CDC42SE2: variants seen among roughly 807,000 people sequenced by gnomAD.
CDC42SE2 encodes the protein CDC42 small effector 2.
Under a neutral mutation model 11.5 loss-of-function variants are expected in CDC42SE2, and 3 were observed. That is an observed-to-expected ratio of 0.26 (90% CI 0.12 to 0.67). The LOEUF is 0.67. CDC42SE2 is among the 30% of genes least tolerant of loss of function. CDC42SE2 has a pLI of 0.80. For synonymous variants in CDC42SE2, 33 were observed against 34.8 expected, an observed-to-expected ratio of 0.95 and a Z score of 0.18; for missense variants, 82 against 106.8, an observed-to-expected ratio of 0.77 and a Z score of 1.02.
rs140036639 is a variant in CDC42SE2, at chr5:131,266,646, C to T, written c.-455+2480C>T. On this transcript the variant is annotated intron_variant, in intron 1 of 4. Coordinates refer to ENST00000505065, the MANE Select transcript of CDC42SE2 (RefSeq NM_001375635.1). ...TATTTTTTGTATTTTCAAAAAGAGACGGGGTTTCTCTGTGTTGGCCAGGCT... is the reference window on the plus strand; with the variant it reads ...TATTTTTTGTATTTTCAAAAAGAGATGGGGTTTCTCTGTGTTGGCCAGGCT... Among the ~76,000 whole-genome samples the T allele has an allele frequency of 1.8e-4, 28 of 151,752 alleles. No homozygotes were observed. The East Asian group carries it at 3.3e-3, about 18-fold the overall frequency.
upstream of CDC42SE2, among the ~76,000 whole-genome samples, chr5:131,262,302 A>T (rs1412798307): frequency 1.3e-5 from 2 of 152,170 alleles, no homozygotes; most frequent in Non-Finnish European, 2.9e-5. Context: ...TTAAAAGTCA[A>T]GTAAATGGTC....
At chr5:131,268,147 C>G (rs534919556) in intron 1 of CDC42SE2, among the ~76,000 whole-genome samples, 1 of 141,888 alleles carries the variant, frequency 7.0e-6, no homozygotes, top group East Asian at 2.2e-4. Flanking sequence ...ACTGCAACCT[C>G]TGTCTCCTGG....
At chr5:131,264,696 C>G (rs912037552) in intron 1 of CDC42SE2, among the ~76,000 whole-genome samples, 20 of 152,372 alleles carry the variant, frequency 1.3e-4, no homozygotes, top group African/African-American at 4.8e-4. Flanking sequence ...CTTGAAAGCC[C>G]TTGGCTACCT....
At chr5:131,218,828 G>A in the CDC42SE2 span, among the ~76,000 whole-genome samples, 13 of 152,160 alleles carry the variant, frequency 8.5e-5, no homozygotes, top group Non-Finnish European at 1.8e-4. Flanking sequence ...TTTCATCTGG[G>A]TGCTGGTTAG....
chr5:131,320,263 A>G (rs1315635265), intron 2 of CDC42SE2, among the ~76,000 whole-genome samples: 5 of 150,910 alleles, frequency 3.3e-5, no homozygotes, highest in Non-Finnish European at 7.4e-5. Flanking sequence ...GTGGTGGTGC[A>G]TGCCTGTAAT....
chr5:131,274,989 A>G (rs1757072299), intron 1 of CDC42SE2, among the ~76,000 whole-genome samples: 2 of 152,226 alleles, frequency 1.3e-5, no homozygotes, highest in African/African-American at 2.4e-5. Context: ...ACCTAAAACC[A>G]TGTAGTCCTG....
rs141235204 is a variant in CDC42SE2 at position 131,377,038 on chromosome 5, T to C, written c.55-8505T>C. On this transcript the variant is annotated intron_variant, in intron 3 of 4. Coordinates refer to ENST00000505065, the MANE Select transcript of CDC42SE2 (RefSeq NM_001375635.1). Reference sequence around the variant, plus strand: ...GGGGTCCTGGGTCAAATGATACTTCTGTTTTTCACTTCTTTGAGAAATTGC... The same window carrying C: ...GGGGTCCTGGGTCAAATGATACTTCCGTTTTTCACTTCTTTGAGAAATTGC... Among the ~76,000 whole-genome samples, 34 of 152,324 alleles carry C rather than the reference T, an allele frequency of 2.2e-4. No homozygotes were observed. The East Asian group carries it at 5.8e-3, about 26-fold the overall frequency.
At chr5:131,365,880 GC>G (rs1749840838) in intron 3 of CDC42SE2, among the ~76,000 whole-genome samples, 1 of 152,194 alleles carries the variant, frequency 6.6e-6, no homozygotes, top group Non-Finnish European at 1.5e-5. Context: ...TACTCGGGAG[GC>G]TGAGGCAGGA....
At chr5:131,313,740 G>A (rs930940791) in intron 1 of CDC42SE2, among the ~76,000 whole-genome samples, 1 of 152,188 alleles carries the variant, frequency 6.6e-6, no homozygotes, top group Non-Finnish European at 1.5e-5. Context: ...AATTCTGGTT[G>A]TATAAGGCTT....
chr5:131,266,399 A>G (rs1036500720), intron 1 of CDC42SE2, among the ~76,000 whole-genome samples: 9 of 150,890 alleles, frequency 6.0e-5, no homozygotes, highest in Non-Finnish European at 1.3e-4. Context: ...GTTAAAGATA[A>G]TGTTTACATT....
chr5:131,391,062 A>C lies in CDC42SE2; in HGVS notation c.226A>C (p.Met76Leu), dbSNP rs774617695. The C allele has an allele frequency of 1.1e-5, 18 of 1,612,980 alleles. No individual in the cohort carries two copies. In the Admixed American group the frequency reaches 1.2e-4, roughly 10 times the overall value. ...AGGTGGAATGCCTGCCAATGTCCAG[A>C]TGCAGCTCGTGGATACGAAGGCGGG... is the stretch of plus-strand genomic sequence containing the variant. ...YGGGMPANVQ[M>L]QLVDTKAG Residue 76 changes from methionine to leucine, a missense_variant, in exon 5 of 5, where the codon ATG becomes CTG. By Grantham distance (15) the Met-to-Leu change is conservative (BLOSUM62 2). Transcript: ENST00000505065.
intron 1 of CDC42SE2, among the ~76,000 whole-genome samples, chr5:131,301,536 G>C (rs1757682988): frequency 6.6e-6 from 1 of 152,086 alleles, no homozygotes; most frequent in African/African-American, 2.4e-5. Context: ...GAGGCAGGCA[G>C]ATCACGAGGT....
At position 131,391,258 on chromosome 5, in the gene CDC42SE2, T is replaced by TGTAA. The variant is rs772051109; in HGVS notation, c.*170_*173dup. The TGTAA allele has an allele frequency of 1.2e-4, 34 of 282,506 alleles. No individual in the cohort carries two copies. The highest frequency in any genetic ancestry group is 2.0e-4 in the African/African-American group (9 of 45,000). 17.5% of individuals were successfully genotyped at this position (282,506 alleles called of 1,614,324 possible). A position where few individuals can be genotyped will look rare whatever the true frequency, so the allele number is the denominator to read the frequency against. The stretch of plus-strand genomic sequence containing the variant: ...CTAAGTGTAGTTTCTGCACTTGGAA[T>TGTAA]GTAAGTTTTAGGTTCTTTTCCTTAT... On this transcript the variant is annotated 3_prime_UTR_variant, in exon 5 of 5. Coordinates refer to ENST00000505065, the MANE Select transcript of CDC42SE2 (RefSeq NM_001375635.1).
chr5:131,231,297 G>C, the CDC42SE2 span, among the ~76,000 whole-genome samples: 2 of 151,884 alleles, frequency 1.3e-5, no homozygotes, highest in South Asian at 2.1e-4. Flanking sequence ...TTTTGAATCT[G>C]TTTCTGGAAT....
At chr5:131,371,326 T>G (rs1474702322) in intron 3 of CDC42SE2, among the ~76,000 whole-genome samples, 2 of 152,182 alleles carry the variant, frequency 1.3e-5, no homozygotes, top group Non-Finnish European at 2.9e-5. Flanking sequence ...CTAGGTCAGT[T>G]CTCAGTTCTC....
At chr5:131,310,234 A>C (rs1757874320) in intron 1 of CDC42SE2, among the ~76,000 whole-genome samples, 1 of 151,820 alleles carries the variant, frequency 6.6e-6, no homozygotes, top group Non-Finnish European at 1.5e-5. Context: ...CAGGTTGTTC[A>C]GTTTCCATGT....
chr5:131,315,132 G>A (rs775096527), intron 1 of CDC42SE2, among the ~76,000 whole-genome samples: 1 of 152,052 alleles, frequency 6.6e-6, no homozygotes, highest in Non-Finnish European at 1.5e-5. Flanking sequence ...TGAGGAAGCA[G>A]TGTATCTAGT....
the CDC42SE2 span, among the ~76,000 whole-genome samples, chr5:131,214,783 C>T: frequency 4.6e-5 from 7 of 152,224 alleles, no homozygotes; most frequent in South Asian, 2.1e-4. Context: ...AGGGAAGAGA[C>T]GTAACCTTGG....
intron 1 of CDC42SE2, among the ~76,000 whole-genome samples, chr5:131,250,821 C>T (rs1424923371): frequency 1.3e-5 from 2 of 152,284 alleles, no homozygotes; most frequent in Non-Finnish European, 1.5e-5. Flanking sequence ...AGGAGGATTG[C>T]TTGAGCTCAG....
Sources: gnomAD v4.1 joint callset for allele counts (sites outside exome capture counted in the v4.1 genomes callset) on GRCh38, gnomAD v4.1.1 for gene constraint, MANE v1.5 for transcripts, NCBI Gene and HGNC (gene_info 2026-07-23, HGNC 2026-07-21) for gene names.